HLA-B: variants seen among roughly 807,000 people sequenced by gnomAD.
HLA-B encodes the protein HLA class I antigen HLA-B.
A neutral mutation model predicts 41.5 loss-of-function variants in HLA-B; 31 were observed. The observed-to-expected ratio is 0.75, with a 90% confidence interval of 0.56 to 1.01. The LOEUF is 1.01. HLA-B is among the 50% of genes least tolerant of loss of function. The pLI is 0.00. For missense variants in HLA-B, 369 were observed against 457.2 expected, an observed-to-expected ratio of 0.81 and a Z score of 1.76; for synonymous variants, 138 against 189.0, an observed-to-expected ratio of 0.73 and a Z score of 2.21.
At position 31,356,444 on chromosome 6, in the gene HLA-B, TGGCCCC is replaced by T; in HGVS notation, c.344-8_344-3del. On this transcript the variant is annotated splice_polypyrimidine_tract_variant and splice_region_variant and intron_variant, in intron 2 of 7. Coordinates refer to ENST00000412585, the MANE Select transcript of HLA-B (RefSeq NM_005514.8). ...ACATGCTCTGGAGGGTGTGAGACCC[TGGCCCC>T]GGCCCCGCGGTCAGCCCAGTCCCCC... 1 of 896,008 alleles carries T rather than the reference TGGCCCC, an allele frequency of 1.1e-6. No individual in the cohort carries two copies. The highest frequency in any genetic ancestry group is 1.4e-6 in the Non-Finnish European group (1 of 692,528). The allele number at this position is 896,008 out of a possible 1,614,324, so 55.5% of individuals were successfully genotyped here. A position where few individuals can be genotyped will look rare whatever the true frequency, so the allele number is the denominator to read the frequency against.
At position 31,356,671 on chromosome 6, in the gene HLA-B, G is replaced by C. The variant is rs17881210; in HGVS notation, c.343+17C>G. 60 of 1,417,138 alleles carry C rather than the reference G, an allele frequency of 4.2e-5. 4 individuals carry two copies. The highest frequency in any genetic ancestry group is 1.9e-6 in the Non-Finnish European group (2 of 1,062,144). 87.8% of individuals were successfully genotyped at this position (1,417,138 alleles called of 1,614,324 possible). On this transcript the variant is annotated intron_variant, in intron 2 of 7. Transcript: ENST00000412585. Reference sequence around the variant, plus strand: ...GATGGGGAGTCGTGACCTGCGCCCCGGGCCGGGGTCACTCACCGGCCTCGC... The same window carrying C: ...GATGGGGAGTCGTGACCTGCGCCCCCGGCCGGGGTCACTCACCGGCCTCGC...
chr6:31,356,713 G>GAT lies in HLA-B; in HGVS notation c.317_318insAT (p.Gly107SerfsTer45). On this transcript the variant is annotated frameshift_variant, in exon 2 of 8. Coordinates refer to ENST00000412585, the MANE Select transcript of HLA-B (RefSeq NM_005514.8). LOFTEE classifies it high-confidence loss of function. ...CGGCCTCGCTCTGGTTGTAGTAGCC[G>GAT]CGCAGGTTCCGCAGGCTCTCTCGGT... 1 of 1,255,332 alleles carries GAT rather than the reference G, an allele frequency of 8.0e-7. No homozygotes were observed. The highest frequency in any genetic ancestry group is 1.0e-6 in the Non-Finnish European group (1 of 953,244). 77.8% of individuals were successfully genotyped at this position (1,255,332 alleles called of 1,614,324 possible). A position where few individuals can be genotyped will look rare whatever the true frequency, so the allele number is the denominator to read the frequency against.
At chr6:31,356,465 C>CCCCGT in intron 2 of HLA-B, 23 bp from the exon 3 acceptor site, 4 of 721,882 alleles carry the variant, frequency 5.5e-6, no homozygotes, top group Non-Finnish European at 7.4e-6. Flanking sequence ...CCGCGGTCAG[C>CCCCGT]CCAGTCCCCC....
intron 3 of HLA-B, chr6:31,355,833 G>T: frequency 1.5e-6 from 1 of 653,102 alleles, no homozygotes; most frequent in Non-Finnish European, 2.8e-6. Context: ...TGACTCAGAA[G>T]TGCTGGAATC....
rs1297840973 is a variant in HLA-B, at chr6:31,354,492, G to A, written c.1080C>T (p.Leu360=). The change falls in exon 7 of 8, where the codon CTC becomes CTT. Residue 360 remains leucine, a synonymous_variant. Transcript: ENST00000412585. The part of the protein sequence containing the change: ...SDSAQGSDVS[L]TA ...CAAGAATCTCACCTTTTCAAGCTGTGAGAGACACATCAGAGCCCTGGGCAC... is the reference window on the plus strand; with the variant it reads ...CAAGAATCTCACCTTTTCAAGCTGTAAGAGACACATCAGAGCCCTGGGCAC... 1.5e-6 allele frequency: 2 copies of A among 1,292,312 alleles called. No homozygotes were observed. The highest frequency in any genetic ancestry group is 2.0e-6 in the Non-Finnish European group (2 of 986,298). The allele number at this position is 1,292,312 out of a possible 1,614,324, so 80.1% of individuals were successfully genotyped here. A position where few individuals can be genotyped will look rare whatever the true frequency, so the allele number is the denominator to read the frequency against.
chr6:31,356,131 TA>T, intron 3 of HLA-B, 35 bp downstream of exon 3: 1 of 1,096,938 alleles, frequency 9.1e-7, no homozygotes, highest in Non-Finnish European at 1.2e-6. Context: ...CGGCGACCTA[TA>T]GGAGATGGGG....
Position 31,355,340 on chromosome 6 carries a change from G to C in HLA-B, c.872C>G (p.Pro291Arg), listed in dbSNP as rs1611623. The C allele has an allele frequency of 6.3e-7, 1 of 1,581,448 alleles. No individual in the cohort carries two copies. Residue 291 changes from proline to arginine, a missense_variant, in exon 4 of 8, where the codon CCG becomes CGG. Around this residue, in one of 6 missense-constraint regions of HLA-B, gnomAD observed 23 missense variants for 37.0 expected, o/e 0.62. Coordinates refer to ENST00000412585, the MANE Select transcript of HLA-B (RefSeq NM_005514.8). ...YTCHVQHEGLPKPLTLRWEPS... is the reference protein window; with the variant it reads ...YTCHVQHEGLRKPLTLRWEPS... ...ACCCCATCTCAGGGTGAGGGGCTTC[G>C]GCAGCCCCTCATGCTGTACATGGCA...
At position 31,356,864 on chromosome 6, in the gene HLA-B, TG is replaced by T; in HGVS notation, c.166del (p.Gln56SerfsTer3). 9.0e-7 allele frequency: 1 copy of T among 1,115,464 alleles called. No homozygotes were observed. The allele number at this position is 1,115,464 out of a possible 1,614,324, so 69.1% of individuals were successfully genotyped here. A position where few individuals can be genotyped will look rare whatever the true frequency, so the allele number is the denominator to read the frequency against. On this transcript the variant is annotated frameshift_variant, in exon 2 of 8. Transcript: ENST00000412585. LOFTEE classifies it high-confidence loss of function. ...GGCGTCGCTGTCGAACCTCACGAAC[TG>T]GGTGTCGTCCACGTAGCCCACTGAG... ...FISVGYVDDTQFVRFDSDAAS... is the reference protein window; with the variant it reads ...FISVGYVDDTXFVRFDSDAAS...
chr6:31,354,423 G>GCCCCCCCCCCCCCCCCCCCCCCCCCC, intron 7 of HLA-B, 56 bp downstream of exon 7: 1 of 318,276 alleles, frequency 3.1e-6, no homozygotes. Flanking sequence ...TTTCCCCTCT[G>GCCCCCCCCCCCCCCCCCCCCCCCCCC]CCCCACCCAC....
At position 31,356,813 on chromosome 6, in the gene HLA-B, G is replaced by A. The variant is rs151341132; in HGVS notation, c.218C>T (p.Ala73Val). Reference protein sequence around the residue: ...DAASPREEPRAPWIEQEGPEY... With the variant: ...DAASPREEPRVPWIEQEGPEY... ...CGGCCCCTCCTGCTCTATCCACGGCGCCCGCGGCTCCTCTCTCGGACTCGC... is the reference window on the plus strand; with the variant it reads ...CGGCCCCTCCTGCTCTATCCACGGCACCCGCGGCTCCTCTCTCGGACTCGC... Residue 73 changes from alanine (A) to valine (V), a missense_variant, in exon 2 of 8, where the codon GCG (alanine) becomes GTG (valine). Transcript: ENST00000412585. 2 of 1,164,936 alleles carry A rather than the reference G, an allele frequency of 1.7e-6. No homozygotes were observed. Among genetic ancestry groups the A allele is most frequent in the South Asian group, 3.3e-5 (2 of 61,248 alleles). The allele number at this position is 1,164,936 out of a possible 1,614,324, so 72.2% of individuals were successfully genotyped here. A position where few individuals can be genotyped will look rare whatever the true frequency, so the allele number is the denominator to read the frequency against.
chr6:31,356,534 C>T (rs1310612407), intron 2 of HLA-B, 92 bp from the exon 3 acceptor site: 4 of 1,091,262 alleles, frequency 3.7e-6, no homozygotes, highest in African/African-American at 2.1e-5. Context: ...AAAATGAAAC[C>T]GGGTAAACGC....
At chr6:31,356,529 GAA>G in intron 2 of HLA-B, 87 bp from the exon 3 acceptor site, 1 of 1,079,510 alleles carries the variant, frequency 9.3e-7, no homozygotes, top group Non-Finnish European at 1.3e-6. Context: ...AACTGAAAAT[GAA>G]ACCGGGTAAA....
At position 31,355,317 on chromosome 6, in the gene HLA-B, C is replaced by A. The variant is rs2308500; in HGVS notation, c.895G>T (p.Glu299Ter). Residue 299 changes from glutamate to a stop codon, truncating the protein, a stop_gained and splice_region_variant, in exon 4 of 8, where the codon GAG (glutamate) becomes TAG (stop). Coordinates refer to ENST00000412585, the MANE Select transcript of HLA-B (RefSeq NM_005514.8). LOFTEE classifies it high-confidence loss of function. ...GLPKPLTLRW[E>*]PSSQSTVPIV... Reference sequence around the variant, plus strand: ...TATGACCCCTCATCCCCCTCCTTACCCCATCTCAGGGTGAGGGGCTTCGGC... The same window carrying A: ...TATGACCCCTCATCCCCCTCCTTACACCATCTCAGGGTGAGGGGCTTCGGC... 1 of 1,568,316 alleles carries A rather than the reference C, an allele frequency of 6.4e-7. No homozygotes were observed. The highest frequency in any genetic ancestry group is 8.6e-7 in the Non-Finnish European group (1 of 1,164,480).
Position 31,354,511 on chromosome 6 carries a change from T to C in HLA-B, c.1061A>G (p.Gln354Arg), listed in dbSNP as rs1484345034. 1.6e-6 allele frequency: 2 copies of C among 1,280,934 alleles called. No homozygotes were observed. The highest frequency in any genetic ancestry group is 2.0e-6 in the Non-Finnish European group (2 of 983,632). The allele number at this position is 1,280,934 out of a possible 1,614,324, so 79.3% of individuals were successfully genotyped here. ...AGCTGTGAGAGACACATCAGAGCCC[T>C]GGGCACTGTCGCTGCCTGGAGTAGA... ...YSQAACSDSA[Q>R]GSDVSLTA Residue 354 changes from glutamine (Q) to arginine (R), a missense_variant, in exon 7 of 8, where the codon CAG (glutamine) becomes CGG (arginine). Coordinates refer to ENST00000412585, the MANE Select transcript of HLA-B (RefSeq NM_005514.8).
chr6:31,355,887 A>C (rs1434388279), intron 3 of HLA-B: 2 of 626,590 alleles, frequency 3.2e-6, no homozygotes, highest in Non-Finnish European at 5.7e-6. Flanking sequence ...ACAAGGCCTG[A>C]GAGGAAAAGT....
rs760646425 is a variant in HLA-B at position 31,354,535 on chromosome 6, G to A, written c.1046-9C>T. ...CTGGGCACTGTCGCTGCCTGGAGTA[G>A]AACAAAAACAGGACCTGGTCAGAGC... On this transcript the variant is annotated splice_polypyrimidine_tract_variant and intron_variant, in intron 6 of 7. Coordinates refer to ENST00000412585, the MANE Select transcript of HLA-B (RefSeq NM_005514.8). 77 of 1,358,554 alleles carry A rather than the reference G, an allele frequency of 5.7e-5. 8 individuals carry two copies. In the Admixed American group the frequency reaches 1.8e-3, roughly 32 times the overall value. 84.2% of individuals were successfully genotyped at this position (1,358,554 alleles called of 1,614,324 possible). A position where few individuals can be genotyped will look rare whatever the true frequency, so the allele number is the denominator to read the frequency against.
chr6:31,357,042 C>T lies in HLA-B; in HGVS notation c.73+44G>A, dbSNP rs41557213. ...CCTGCGCCCCCGCCTGCGGTCCCCT[C>T]GCTCCTCCCGGCAGAGGCCATTTCC... On this transcript the variant is annotated intron_variant, in intron 1 of 7. Coordinates refer to ENST00000412585, the MANE Select transcript of HLA-B (RefSeq NM_005514.8). 2.4e-3 allele frequency: 2,211 copies of T among 904,516 alleles called. 62 individuals carry two copies. The highest frequency in any genetic ancestry group is 0.014 in the South Asian group (603 of 43,532). The allele number at this position is 904,516 out of a possible 1,614,324, so 56.0% of individuals were successfully genotyped here. A position where few individuals can be genotyped will look rare whatever the true frequency, so the allele number is the denominator to read the frequency against.
chr6:31,355,672 G>T, intron 3 of HLA-B, 80 bp from the exon 4 acceptor site: 1 of 1,095,142 alleles, frequency 9.1e-7, no homozygotes, highest in Non-Finnish European at 1.3e-6. Context: ...ACCAGCCTGA[G>T]AATGGACAGG....
chr6:31,354,564 C>T (rs763546360), intron 6 of HLA-B, 38 bp from the exon 7 acceptor site: 8 of 1,461,824 alleles, frequency 5.5e-6, no homozygotes, highest in South Asian at 1.2e-5. Context: ...TCAGAGCCCG[C>T]AGGAGACGTG....
Sources: gnomAD v4.1 joint callset for allele counts on GRCh38, gnomAD v4.1.1 for gene constraint, gnomAD v4.1.1 regional missense constraint, MANE v1.5 for transcripts, NCBI Gene and HGNC (gene_info 2026-07-23, HGNC 2026-07-21) for gene names.